The following FRMPD4 variants were observed in gnomAD, a reference collection of about 807,000 sequenced individuals.
FRMPD4 encodes FERM and PDZ domain-containing protein 4.
A neutral mutation model predicts 94.1 loss-of-function variants in FRMPD4; 22 were observed. That is an observed-to-expected ratio of 0.23 (90% CI 0.17 to 0.33). The LOEUF (loss-of-function observed/expected upper bound fraction) is 0.33, where lower values mean the gene tolerates loss of function less well. FRMPD4 is among the 10% of genes least tolerant of loss of function. The pLI is 1.00. For synonymous variants in FRMPD4, 631 were observed against 548.6 expected (o/e 1.15, Z -2.10); for missense variants, 1,111 against 1,339.9 (o/e 0.83, Z 2.67).
At chrX:11,844,715 G>C (rs1194390398) in intron 1 of FRMPD4, among the ~76,000 whole-genome samples, 1 of 111,615 alleles carries the variant, frequency 9.0e-6, no homozygotes, top group Non-Finnish European at 1.9e-5. Context: ...ATCTTACTTG[G>C]AGTTTGTTGA....
chrX:12,398,955 TC>T (rs2056577371), intron 1 of FRMPD4, among the ~76,000 whole-genome samples: 1 of 110,967 alleles, frequency 9.0e-6, no homozygotes, highest in Admixed American at 9.6e-5. Context: ...GTTGTATCAG[TC>T]CCTTTTTTTT....
chrX:12,418,786 A>G (rs1436199849), intron 1 of FRMPD4, among the ~76,000 whole-genome samples: 1 of 112,129 alleles, frequency 8.9e-6, no homozygotes, highest in Non-Finnish European at 1.9e-5. Flanking sequence ...TTCTTGCTGC[A>G]TCCTATGATA....
In FRMPD4 at chrX:12,548,547, C is replaced by G. The variant is rs148259752; in HGVS notation, c.158+49751C>G. On this transcript the variant is annotated intron_variant, in intron 2 of 16. Coordinates refer to ENST00000675598, the MANE Select transcript of FRMPD4 (RefSeq NM_001368397.1). ...GCTTCTCAACTGCCTGGCAACATGC[C>G]AACATGATGACATCCAGTTTAGAAT... is the stretch of plus-strand genomic sequence containing the variant. Among the ~76,000 whole-genome samples, 51 of 112,867 alleles carry G rather than the reference C, an allele frequency of 4.5e-4. No homozygotes were observed. In the East Asian group the frequency reaches 0.014, roughly 31 times the overall value.
intron 1 of FRMPD4, among the ~76,000 whole-genome samples, chrX:12,166,355 A>G (rs887611121): frequency 8.9e-6 from 1 of 111,750 alleles, no homozygotes; most frequent in Non-Finnish European, 1.9e-5. Context: ...GATTGTGTTT[A>G]TTGATTTTCA....
At chrX:12,582,157 C>G (rs1268513463) in intron 2 of FRMPD4, among the ~76,000 whole-genome samples, 1 of 112,343 alleles carries the variant, frequency 8.9e-6, no homozygotes, top group African/African-American at 3.2e-5. Context: ...TCTAATTATA[C>G]AATATGCTAT....
At chrX:12,273,793 T>C (rs938327831) in intron 1 of FRMPD4, among the ~76,000 whole-genome samples, 2 of 112,680 alleles carry the variant, frequency 1.8e-5, no homozygotes, top group African/African-American at 6.5e-5. Flanking sequence ...AAGATTTTTC[T>C]CATTGTACTG....
At chrX:12,643,278 T>C (rs2059516696) in intron 4 of FRMPD4, among the ~76,000 whole-genome samples, 1 of 110,105 alleles carries the variant, frequency 9.1e-6, no homozygotes, top group South Asian at 3.9e-4. Flanking sequence ...GCTGAGATCA[T>C]ACCTGGCTAA....
At chrX:11,922,253 C>T (rs1423604814) in intron 3 of FRMPD4, among the ~76,000 whole-genome samples, 1 of 111,522 alleles carries the variant, frequency 9.0e-6, no homozygotes, top group Non-Finnish European at 1.9e-5. Context: ...AGCTTAAAAT[C>T]ATGGCAGAAG....
chrX:12,479,523 A>C (rs2057656013), intron 1 of FRMPD4, among the ~76,000 whole-genome samples: 1 of 104,125 alleles, frequency 9.6e-6, no homozygotes, highest in South Asian at 4.2e-4. Flanking sequence ...ATATTTTGAG[A>C]CAGGGTCTCA....
rs3066486 is a variant in FRMPD4 at position 12,553,434 on chromosome X, C to CTATATATATA, written c.158+54662_158+54671dup. 3.3e-3 allele frequency among the ~76,000 whole-genome samples: 131 copies of CTATATATATA among 39,620 alleles called. 1 individual carries two copies. Among genetic ancestry groups the CTATATATATA allele is most frequent in the East Asian group, 5.7e-3 (8 of 1,394 alleles). 34.4% of individuals were successfully genotyped at this position (39,620 alleles called of 115,157 possible). On this transcript the variant is annotated intron_variant, in intron 2 of 16. Coordinates refer to ENST00000675598, the MANE Select transcript of FRMPD4 (RefSeq NM_001368397.1). ...AGTTTTGTGAGATCTATCCATATGC[C>CTATATATATA]TATATATATATATATATATATATAT...
intron 14 of FRMPD4, among the ~76,000 whole-genome samples, chrX:12,715,238 A>G (rs1323266917): frequency 8.9e-6 from 1 of 112,501 alleles, no homozygotes; most frequent in Non-Finnish European, 1.9e-5. Flanking sequence ...AGAGCAAACA[A>G]AATAATAGTA....
intron 1 of FRMPD4, among the ~76,000 whole-genome samples, chrX:12,495,561 C>G (rs1257814399): frequency 2.7e-5 from 3 of 110,687 alleles, no homozygotes; most frequent in Non-Finnish European, 5.7e-5. Context: ...CCCCATCACC[C>G]CAGAGTTTTG....
chrX:11,855,302 G>C (rs1163716747), intron 1 of FRMPD4, among the ~76,000 whole-genome samples: 1 of 111,413 alleles, frequency 9.0e-6, no homozygotes, highest in Non-Finnish European at 1.9e-5. Context: ...TGATGGGAGG[G>C]GCTGCCACAA....
chrX:12,243,082 A>C (rs7885878), intron 1 of FRMPD4, among the ~76,000 whole-genome samples: 1,321 of 111,783 alleles, frequency 0.012, 19 homozygotes, highest in African/African-American at 0.041. Context: ...GGATCTCTCT[A>C]TGTTACCCAG....
chrX:12,094,302 G>T (rs923669662), intron 3 of FRMPD4, among the ~76,000 whole-genome samples: 3 of 111,946 alleles, frequency 2.7e-5, no homozygotes, highest in Non-Finnish European at 5.6e-5. Flanking sequence ...AACACCCTTG[G>T]GTGAGACTGG....
chrX:12,538,765 T>A (rs2058370342), intron 2 of FRMPD4, among the ~76,000 whole-genome samples: 2 of 111,864 alleles, frequency 1.8e-5, no homozygotes, highest in Non-Finnish European at 3.8e-5. Context: ...GAAGGAAAAC[T>A]AACAAACAGA....
intron 1 of FRMPD4, among the ~76,000 whole-genome samples, chrX:12,382,563 C>A (rs1436243362): frequency 9.0e-6 from 1 of 111,402 alleles, no homozygotes; most frequent in Non-Finnish European, 1.9e-5. Flanking sequence ...CATAGCATAG[C>A]ATAGCATAGC....
intron 1 of FRMPD4, among the ~76,000 whole-genome samples, chrX:12,343,705 T>G (rs2055655354): frequency 8.9e-6 from 1 of 111,736 alleles, no homozygotes; most frequent in African/African-American, 3.3e-5. Context: ...CATATCAGCG[T>G]TTTTTACCTG....
At chrX:11,919,265 C>A (rs1005541911) in intron 3 of FRMPD4, among the ~76,000 whole-genome samples, 4 of 112,462 alleles carry the variant, frequency 3.6e-5, no homozygotes, top group Admixed American at 9.4e-5. Flanking sequence ...TCTAATACCC[C>A]CTGAGAGGCA....
Sources: allele counts gnomAD v4.1 joint callset (sites outside exome capture counted in the v4.1 genomes callset), GRCh38; gene constraint gnomAD v4.1.1; transcripts MANE v1.5; gene names NCBI Gene and HGNC (gene_info 2026-07-23, HGNC 2026-07-21).